BARHL2: variants seen among roughly 807,000 people sequenced by gnomAD.
BARHL2 encodes the protein BarH like homeobox 2.
In BARHL2, 10 loss-of-function variants were observed where a neutral mutation model predicts 27.1. That is an observed-to-expected ratio of 0.37 (90% CI 0.23 to 0.63). The LOEUF (loss-of-function observed/expected upper bound fraction) is 0.63. Among genes scored for constraint, BARHL2 ranks in the 20% least tolerant of loss-of-function variants. The probability of loss-of-function intolerance (pLI) is 0.65; values close to 1 mark genes in which losing one functional copy is unlikely to be tolerated. For synonymous variants in BARHL2, 248 were observed against 224.7 expected (o/e 1.10, Z -0.93); for missense variants, 483 against 533.5 (o/e 0.91, Z 0.93).
chr1:90,714,978 G>A lies in BARHL2; in HGVS notation c.626-222C>T, dbSNP rs568838271. On this transcript the variant is annotated intron_variant, in intron 1 of 2. Coordinates refer to ENST00000370445, the MANE Select transcript of BARHL2 (RefSeq NM_020063.2). ...TGGGACCTTGTTTAGAGTTTCTAAA[G>A]GGGGTCTAAAAGGGTGTCTGATCTT... 3.3e-5 allele frequency among the ~76,000 whole-genome samples: 5 copies of A among 152,228 alleles called. No homozygotes were observed. The East Asian group carries it at 9.7e-4, about 29-fold the overall frequency.
rs749795577 is a variant in BARHL2, at chr1:90,717,180, C to T, written c.16G>A (p.Ala6Thr). 6.2e-7 allele frequency: 1 copy of T among 1,613,060 alleles called. No individual in the cohort carries two copies. The highest frequency in any genetic ancestry group is 1.1e-5 in the South Asian group (1 of 90,810). Residue 6 changes from alanine (A) to threonine (T), a missense_variant, in exon 1 of 3, where the codon GCC (alanine) becomes ACC (threonine). Physicochemically the swap from Ala to Thr is moderately conservative, Grantham distance 58. Around this residue, in one of 3 missense-constraint regions of BARHL2, gnomAD observed 304 missense variants for 284.9 expected, o/e 1.07. Transcript: ENST00000370445. Reference sequence around the variant, plus strand: ...TCTATTCCAAAACTCGACCCGCTGGCCCCTTCCATTGTCATTGCTACATGA... The same window carrying T: ...TCTATTCCAAAACTCGACCCGCTGGTCCCTTCCATTGTCATTGCTACATGA... MTMEG[A>T]SGSSFGIDTI...
In BARHL2 at chr1:90,712,393, G is replaced by A. The variant is rs1251458220; in HGVS notation, c.1083C>T (p.Leu361=). ...QLQRPLVPRV[L]IHGLGPGGQP... is the part of the protein sequence containing the mutation. ...GTCCCCCAGGCCCTAGGCCGTGGAT[G>A]AGCACACGGGGCACCAGGGGCCGCT... The change falls in exon 3 of 3, where the codon CTC becomes CTT. Residue 361 remains leucine (L), a synonymous_variant. Transcript: ENST00000370445. 9 of 1,591,740 alleles carry A rather than the reference G, an allele frequency of 5.7e-6. No homozygotes were observed. Among genetic ancestry groups the A allele is most frequent in the East Asian group, 2.3e-5 (1 of 43,812 alleles).
chr1:90,712,916 G>A (rs554762410), intron 2 of BARHL2, among the ~76,000 whole-genome samples: 14 of 152,126 alleles, frequency 9.2e-5, no homozygotes, highest in African/African-American at 2.4e-4. Context: ...CTCTGCTGTC[G>A]CCCCCCTTGT....
At position 90,712,300 on chromosome 1, in the gene BARHL2, G is replaced by A. The variant is rs572350932; in HGVS notation, c.*12C>T. On this transcript the variant is annotated 3_prime_UTR_variant, in exon 3 of 3. Coordinates refer to ENST00000370445, the MANE Select transcript of BARHL2 (RefSeq NM_020063.2). Reference sequence around the variant, plus strand: ...ATGGGGAAGGGATTGCAGTGCCTTCGCTGCAATGTTTTCACCGGGGGTGTG... The same window carrying A: ...ATGGGGAAGGGATTGCAGTGCCTTCACTGCAATGTTTTCACCGGGGGTGTG... The A allele has an allele frequency of 1.7e-4, 243 of 1,447,294 alleles. 2 individuals are homozygous for A. The East Asian group carries it at 4.5e-3, about 27-fold the overall frequency. The allele number at this position is 1,447,294 out of a possible 1,614,324, so 89.7% of individuals were successfully genotyped here.
chr1:90,715,924 G>A (rs1269518856), intron 1 of BARHL2, among the ~76,000 whole-genome samples: 1 of 151,800 alleles, frequency 6.6e-6, no homozygotes, highest in African/African-American at 2.4e-5. Flanking sequence ...ACTTGTAAGG[G>A]GCCAAAAATC....
Position 90,714,745 on chromosome 1 carries a change from C to T in BARHL2, c.637G>A (p.Glu213Lys). 6.2e-7 allele frequency: 1 copy of T among 1,610,988 alleles called. No individual in the cohort carries two copies. The highest frequency in any genetic ancestry group is 8.5e-7 in the Non-Finnish European group (1 of 1,177,004). Residue 213 changes from glutamate to lysine, a missense_variant, in exon 2 of 3, where the codon GAA becomes AAA. Glu to Lys is a moderately conservative substitution (Grantham distance 56). Transcript: ENST00000370445. ...CTACTCGTAATCTCCCGGTCTCCTT[C>T]CTCCTTTGTCCCTACCATAGAAACC... Reference protein sequence around the residue: ...SDIKCHGTKEEGDREITSSRE... With the variant: ...SDIKCHGTKEKGDREITSSRE...
At chr1:90,714,503 CT>C (rs750414072) in intron 2 of BARHL2, 27 bp downstream of exon 2, 5 of 1,602,462 alleles carry the variant, frequency 3.1e-6, no homozygotes, top group Non-Finnish European at 4.3e-6. Context: ...GGCCAGACAC[CT>C]TTGCTCCCCC....
chr1:90,716,116 TG>T (rs367905218), intron 1 of BARHL2, among the ~76,000 whole-genome samples: 13,836 of 121,738 alleles, frequency 0.11, 891 homozygotes, highest in Non-Finnish European at 0.15. Context: ...GAAAATAAAG[TG>T]GGGGGGGGGT....
rs1260813956 is a variant in BARHL2 at position 90,716,905 on chromosome 1, C to T, written c.291G>A (p.Pro97=). The T allele has an allele frequency of 4.4e-6, 7 of 1,589,126 alleles. No individual in the cohort carries two copies. Among genetic ancestry groups the T allele is most frequent in the Non-Finnish European group, 6.0e-6 (7 of 1,170,766 alleles). ...HLHHSQQPPP[P]AAAPTQSLQP... The stretch of plus-strand genomic sequence containing the variant: ...GCAAACTTTGCGTCGGGGCCGCGGC[C>T]GGCGGCGGCGGCTGCTGGCTGTGGT... The change falls in exon 1 of 3, where the codon CCG becomes CCA. Residue 97 remains proline, a synonymous_variant. Coordinates refer to ENST00000370445, the MANE Select transcript of BARHL2 (RefSeq NM_020063.2).
rs1658168167 is a variant in BARHL2 at position 90,717,117 on chromosome 1, T to C, written c.79A>G (p.Met27Val). Residue 27 changes from methionine (M) to valine (V), a missense_variant, in exon 1 of 3, where the codon ATG (methionine) becomes GTG (valine). Coordinates refer to ENST00000370445, the MANE Select transcript of BARHL2 (RefSeq NM_020063.2). ...LSSASSGSPGMMNGDFRPLGE... is the reference protein window; with the variant it reads ...LSSASSGSPGVMNGDFRPLGE... ...AGCGGGCGGAAATCTCCATTCATCA[T>C]GCCTGGGCTGCCTGAACTGGCACTG... is the stretch of plus-strand genomic sequence containing the variant. 3 of 1,613,850 alleles carry C rather than the reference T, an allele frequency of 1.9e-6. No homozygotes were observed. Among genetic ancestry groups the C allele is most frequent in the Non-Finnish European group, 2.5e-6 (3 of 1,179,996 alleles).
At chr1:90,713,424 G>A (rs530147642) in intron 2 of BARHL2, among the ~76,000 whole-genome samples, 158 of 152,304 alleles carry the variant, frequency 1.0e-3, no homozygotes, top group African/African-American at 3.7e-3. Context: ...GAGAGCGGGC[G>A]TTTGCTCAAA....
Position 90,717,125 on chromosome 1 carries a change from C to A in BARHL2, c.71G>T (p.Ser24Ile), listed in dbSNP as rs1658168326. Reference sequence around the variant, plus strand: ...GAAATCTCCATTCATCATGCCTGGGCTGCCTGAACTGGCACTGGACAAAAT... The same window carrying A: ...GAAATCTCCATTCATCATGCCTGGGATGCCTGAACTGGCACTGGACAAAAT... ...DTILSSASSGSPGMMNGDFRP... is the reference protein window; with the variant it reads ...DTILSSASSGIPGMMNGDFRP... Residue 24 changes from serine (S) to isoleucine (I), a missense_variant, in exon 1 of 3, where the codon AGC (serine) becomes ATC (isoleucine). Around this residue, in one of 3 missense-constraint regions of BARHL2, gnomAD observed 304 missense variants for 284.9 expected, o/e 1.07. Coordinates refer to ENST00000370445, the MANE Select transcript of BARHL2 (RefSeq NM_020063.2). 6.2e-7 allele frequency: 1 copy of A among 1,613,782 alleles called. No homozygotes were observed. The highest frequency in any genetic ancestry group is 1.7e-5 in the Admixed American group (1 of 59,994).
At chr1:90,712,824 A>G (rs1284874540) in intron 2 of BARHL2, among the ~76,000 whole-genome samples, 200 bp from the exon 3 acceptor site, 3 of 152,144 alleles carry the variant, frequency 2.0e-5, no homozygotes, top group Admixed American at 1.3e-4. Context: ...ACCCAAAGCC[A>G]GTTTTGTAAA....
At chr1:90,714,503 C>G (rs1557467120) in intron 2 of BARHL2, 28 bp downstream of exon 2, 1 of 1,602,462 alleles carries the variant, frequency 6.2e-7, no homozygotes, top group Non-Finnish European at 8.6e-7. Flanking sequence ...GGCCAGACAC[C>G]TTTGCTCCCC....
Position 90,714,621 on chromosome 1 carries a change from T to C in BARHL2, c.761A>G (p.Gln254Arg), listed in dbSNP as rs772761917. ...LNQLERSFERQKYLSVQDRMD... is the reference protein window; with the variant it reads ...LNQLERSFERRKYLSVQDRMD... ...GCGATCCTGCACGCTCAGGTACTTC[T>C]GCCGCTCAAAGCTACGCTCCAGTTG... The change falls in exon 2 of 3, where the codon CAG (glutamine) becomes CGG (arginine). Residue 254 changes from glutamine (Q) to arginine (R), a missense_variant. By Grantham distance (43) the Gln-to-Arg change is conservative. Around this residue, in one of 3 missense-constraint regions of BARHL2, gnomAD observed 49 missense variants for 110.6 expected, o/e 0.44. Coordinates refer to ENST00000370445, the MANE Select transcript of BARHL2 (RefSeq NM_020063.2). 6.2e-7 allele frequency: 1 copy of C among 1,614,250 alleles called. No homozygotes were observed. Among genetic ancestry groups the C allele is most frequent in the Non-Finnish European group, 8.5e-7 (1 of 1,180,036 alleles).
At chr1:90,715,926 C>T (rs961616080) in intron 1 of BARHL2, among the ~76,000 whole-genome samples, 2 of 151,832 alleles carry the variant, frequency 1.3e-5, no homozygotes. Context: ...TTGTAAGGGG[C>T]CAAAAATCTT....
rs1003555677 is a variant in BARHL2, at chr1:90,711,697, A to T, written c.*615T>A. 1.3e-5 allele frequency: 2 copies of T among 152,232 alleles called. No homozygotes were observed. Among genetic ancestry groups the T allele is most frequent in the Non-Finnish European group, 2.9e-5 (2 of 68,038 alleles). The allele number at this position is 152,232 out of a possible 1,614,324, so 9.4% of individuals were successfully genotyped here. ...GACTCTTTTTGGACAACATATAATAAATATGATATATCACTTATCACTCAG... is the reference window on the plus strand; with the variant it reads ...GACTCTTTTTGGACAACATATAATATATATGATATATCACTTATCACTCAG... On this transcript the variant is annotated 3_prime_UTR_variant, in exon 3 of 3. Transcript: ENST00000370445.
chr1:90,714,422 G>A (rs1658101398), intron 2 of BARHL2, 109 bp downstream of exon 2: 3 of 1,096,304 alleles, frequency 2.7e-6, no homozygotes, highest in Non-Finnish European at 4.1e-6. Context: ...CCACTCCAGG[G>A]TCACTCTCAG....
At chr1:90,715,574 C>T (rs1042795881) in intron 1 of BARHL2, among the ~76,000 whole-genome samples, 2 of 152,144 alleles carry the variant, frequency 1.3e-5, no homozygotes, top group African/African-American at 4.8e-5. Context: ...AAAAAATCGC[C>T]AGACCAGACT....
Sources: gnomAD v4.1 joint callset for allele counts (sites outside exome capture counted in the v4.1 genomes callset) on GRCh38, gnomAD v4.1.1 for gene constraint, gnomAD v4.1.1 regional missense constraint, MANE v1.5 for transcripts, NCBI Gene and HGNC (gene_info 2026-07-23, HGNC 2026-07-21) for gene names.